CDKL1: variants seen among roughly 807,000 people sequenced by gnomAD.
The protein encoded by CDKL1 is cyclin-dependent kinase-like 1.
In CDKL1, 41 loss-of-function variants were observed where a neutral mutation model predicts 42.0. The observed-to-expected ratio is 0.98, with a 90% CI of 0.76 to 1.27. The LOEUF (loss-of-function observed/expected upper bound fraction) is 1.27, where lower values mean the gene tolerates loss of function less well. Ranked by LOEUF, CDKL1 falls within the 50% of genes most tolerant of loss-of-function variation. CDKL1 has a pLI of 0.00. For synonymous variants in CDKL1, 153 were observed against 158.6 expected, an observed-to-expected ratio of 0.96 and a Z score of 0.26; for missense variants, 394 against 428.4, an observed-to-expected ratio of 0.92 and a Z score of 0.71.
intron 2 of CDKL1, among the ~76,000 whole-genome samples, chr14:50,364,341 C>T (rs1262206815): frequency 6.6e-6 from 1 of 152,154 alleles, no homozygotes; most frequent in African/African-American, 2.4e-5. Flanking sequence ...TGGCGGCACG[C>T]ACCTGTAATC....
chr14:50,346,510 G>A lies in CDKL1; in HGVS notation c.291-1452C>T, dbSNP rs1012384132. Reference sequence around the variant, plus strand: ...AGGGTCTTGCTGTGCTGCCCAGGCTGGAGGCAGTGGTGCTATCATAGCTCA... The same window carrying A: ...AGGGTCTTGCTGTGCTGCCCAGGCTAGAGGCAGTGGTGCTATCATAGCTCA... On this transcript the variant is annotated intron_variant, in intron 3 of 9. Coordinates refer to ENST00000395834, the MANE Select transcript of CDKL1 (RefSeq NM_004196.7). Among the ~76,000 whole-genome samples the A allele has an allele frequency of 3.3e-5, 5 of 151,882 alleles. No individual in the cohort carries two copies. The South Asian group carries it at 8.3e-4, about 25-fold the overall frequency.
chr14:50,342,864 T>A, intron 4 of CDKL1: 1 of 1,248,984 alleles, frequency 8.0e-7, no homozygotes, highest in Non-Finnish European at 1.0e-6. Context: ...AGCTCTGACA[T>A]TCATCCGGAC....
chr14:50,378,344 T>C, intron 2 of CDKL1: 1 of 1,366,290 alleles, frequency 7.3e-7, no homozygotes, highest in Non-Finnish European at 9.8e-7. Context: ...TGCGAGGAAA[T>C]AACTGCACTC....
intron 2 of CDKL1, among the ~76,000 whole-genome samples, chr14:50,378,727 G>C (rs2034814284): frequency 6.6e-6 from 1 of 152,094 alleles, no homozygotes; most frequent in East Asian, 1.9e-4. Context: ...TGTGGAGACA[G>C]GGTCTTACCA....
At chr14:50,389,436 T>C (rs1423058680) in intron 2 of CDKL1, among the ~76,000 whole-genome samples, 1 of 152,214 alleles carries the variant, frequency 6.6e-6, no homozygotes, top group Non-Finnish European at 1.5e-5. Flanking sequence ...TATATCTGTA[T>C]ATGAACCATA....
intron 7 of CDKL1, among the ~76,000 whole-genome samples, chr14:50,337,328 CTT>C (rs545014608): frequency 6.3e-4 from 87 of 138,774 alleles, no homozygotes; most frequent in Admixed American, 1.2e-3. Context: ...TTATAACCGT[CTT>C]TTTTTTTTTT....
Position 50,362,027 on chromosome 14 carries a change from C to G in CDKL1, c.169-2878G>C, listed in dbSNP as rs1168207413. On this transcript the variant is annotated intron_variant, in intron 2 of 9. Coordinates refer to ENST00000395834, the MANE Select transcript of CDKL1 (RefSeq NM_004196.7). Reference sequence around the variant, plus strand: ...GGGGGGCCCGGCACTCTAGCGGCCCCCTGGCCCACAAGCCCCGGGCAGTGA... The same window carrying G: ...GGGGGGCCCGGCACTCTAGCGGCCCGCTGGCCCACAAGCCCCGGGCAGTGA... Among the ~76,000 whole-genome samples the G allele has an allele frequency of 2.0e-5, 3 of 152,348 alleles. No homozygotes were observed. In the East Asian group the frequency reaches 5.8e-4, roughly 29 times the overall value.
chr14:50,397,068 G>A (rs765000798), upstream of CDKL1: 18 of 1,335,210 alleles, frequency 1.3e-5, no homozygotes, highest in East Asian at 4.9e-5. Flanking sequence ...CGCGGGCCGA[G>A]TCCTGCTGCC....
chr14:50,356,317 G>A (rs2034055183), intron 3 of CDKL1, among the ~76,000 whole-genome samples: 1 of 152,098 alleles, frequency 6.6e-6, no homozygotes, highest in Non-Finnish European at 1.5e-5. Flanking sequence ...ATTTTTACAG[G>A]TGAAGACACC....
At chr14:50,330,657 C>T (rs1488577823) in intron 9 of CDKL1, 1 of 153,030 alleles carries the variant, frequency 6.5e-6, no homozygotes, top group Admixed American at 6.5e-5. Context: ...GTGGGAGCAT[C>T]CCTTGAGCCC....
chr14:50,372,421 G>A (rs1489926236), intron 2 of CDKL1, among the ~76,000 whole-genome samples: 1 of 152,140 alleles, frequency 6.6e-6, no homozygotes, highest in Non-Finnish European at 1.5e-5. Flanking sequence ...CCCGGCCCGA[G>A]TTCATTATAT....
At chr14:50,358,634 G>GTTTTTTTTTTTTTTTTTTTTTTTTT (rs1379484175) in intron 3 of CDKL1, among the ~76,000 whole-genome samples, 2 of 45,122 alleles carry the variant, frequency 4.4e-5, no homozygotes. Flanking sequence ...TTTTTAACTA[G>GTTTTTTTTTTTTTTTTTTTTTTTTT]TCTTTTTTTT....
chr14:50,332,547 G>C (rs1385840992), intron 8 of CDKL1, 115 bp from the exon 9 acceptor site: 1 of 1,492,868 alleles, frequency 6.7e-7, no homozygotes, highest in African/African-American at 1.4e-5. Flanking sequence ...AGGGGGAAAA[G>C]GCAGGAAAAC....
At chr14:50,369,116 C>T (rs56149746) in intron 2 of CDKL1, among the ~76,000 whole-genome samples, 39,348 of 151,934 alleles carry the variant, frequency 0.26, 5,932 homozygotes, top group African/African-American at 0.41. Flanking sequence ...ATCTGCCCAC[C>T]TCGGCCTCCC....
intron 5 of CDKL1, 65 bp from the exon 6 acceptor site, chr14:50,341,297 G>T: frequency 6.6e-7 from 1 of 1,516,976 alleles, no homozygotes; most frequent in African/African-American, 1.4e-5. Flanking sequence ...CTGAGGGGGA[G>T]ATCTCAGAAG....
intron 7 of CDKL1, among the ~76,000 whole-genome samples, chr14:50,338,424 C>G (rs993925314): frequency 1.3e-5 from 2 of 152,122 alleles, no homozygotes; most frequent in Non-Finnish European, 2.9e-5. Context: ...GACAGTGTTT[C>G]ATCATGTTGG....
Position 50,335,999 on chromosome 14 carries a change from T to G in CDKL1, c.739-1378A>C, listed in dbSNP as rs536457816. ...TGCACCCTCATACTTCCACTCATGC[T>G]CCATAGCTTAAATATTTCTCTTGTT... On this transcript the variant is annotated intron_variant, in intron 7 of 9. Coordinates refer to ENST00000395834, the MANE Select transcript of CDKL1 (RefSeq NM_004196.7). 126 of 1,366,854 alleles carry G rather than the reference T, an allele frequency of 9.2e-5. 1 individual carries two copies. The highest frequency in any genetic ancestry group is 8.4e-4 in the Middle Eastern group (4 of 4,768). 84.7% of individuals were successfully genotyped at this position (1,366,854 alleles called of 1,614,324 possible).
chr14:50,373,596 A>ATGATC (rs1347045367), intron 2 of CDKL1, among the ~76,000 whole-genome samples: 1 of 152,256 alleles, frequency 6.6e-6, no homozygotes. Context: ...GACCAAAAAA[A>ATGATC]TGAGCAAAAG....
chr14:50,342,004 A>T (rs551409126), intron 5 of CDKL1, 128 bp downstream of exon 5: 99 of 709,130 alleles, frequency 1.4e-4, no homozygotes, highest in Non-Finnish European at 2.1e-4. Flanking sequence ...CAAAATTATA[A>T]TTTATAGCAC....
Sources: allele counts gnomAD v4.1 joint callset (sites outside exome capture counted in the v4.1 genomes callset), GRCh38; gene constraint gnomAD v4.1.1; transcripts MANE v1.5; gene names NCBI Gene and HGNC (gene_info 2026-07-23, HGNC 2026-07-21).